HS3ST3A1: variants seen among roughly 807,000 people sequenced by gnomAD.
HS3ST3A1 encodes heparan sulfate glucosamine 3-O-sulfotransferase 3A1.
Under a neutral mutation model 25.7 loss-of-function variants are expected in HS3ST3A1, and 19 were observed. That is an observed-to-expected ratio of 0.74 (90% confidence interval 0.52 to 1.08). HS3ST3A1 has a LOEUF of 1.08. Ranked by LOEUF, HS3ST3A1 falls within the 50% of genes least tolerant of loss-of-function variation. The pLI is 0.00. For synonymous variants in HS3ST3A1, 226 were observed against 278.6 expected (o/e 0.81, Z 1.88); for missense variants, 459 against 594.3 (o/e 0.77, Z 2.37).
In HS3ST3A1 at chr17:13,496,284, C is replaced by G. The variant is rs1905264056; in HGVS notation, c.1134G>C (p.Glu378Asp). The stretch of plus-strand genomic sequence containing the variant: ...AGAACTCGCGCAGCCTGCGCACCAC[C>G]TCGCGGTCGATCTCAGGATGGGTCC... ...KGRTHPEIDR[E>D]VVRRLREFYR... The change falls in exon 2 of 2, where the codon GAG (glutamate) becomes GAC (aspartate). Residue 378 changes from glutamate to aspartate, a missense_variant. Coordinates refer to ENST00000284110, the MANE Select transcript of HS3ST3A1 (RefSeq NM_006042.3). 1 of 1,546,910 alleles carries G rather than the reference C, an allele frequency of 6.5e-7. No individual in the cohort carries two copies. The highest frequency in any genetic ancestry group is 8.7e-7 in the Non-Finnish European group (1 of 1,151,746).
In HS3ST3A1 at chr17:13,550,285, T is replaced by A. The variant is rs1003832799; in HGVS notation, c.599+50246A>T. Among the ~76,000 whole-genome samples the A allele has an allele frequency of 7.2e-5, 11 of 152,318 alleles. No individual in the cohort carries two copies. The South Asian group carries it at 2.3e-3, about 32-fold the overall frequency. On this transcript the variant is annotated intron_variant, in intron 1 of 1. Coordinates refer to ENST00000284110, the MANE Select transcript of HS3ST3A1 (RefSeq NM_006042.3). The stretch of plus-strand genomic sequence containing the variant: ...CTGGCTGTTCACCCAGCCTATTCCC[T>A]CTTCTTCCTGAGAACACAGCTACAC...
In HS3ST3A1 at chr17:13,601,007, G is replaced by T. The variant is rs1368226921; in HGVS notation, c.123C>A (p.Cys41Ter). 3.8e-6 allele frequency: 6 copies of T among 1,583,758 alleles called. No homozygotes were observed. The highest frequency in any genetic ancestry group is 2.7e-5 in the African/African-American group (2 of 73,952). ...SLLTSLYVFY[C>*]LAERCQTLSG... Reference sequence around the variant, plus strand: ...ACAGGGTCTGGCAGCGCTCGGCCAGGCAGTAGAAGACGTAAAGGGACGTGA... The same window carrying T: ...ACAGGGTCTGGCAGCGCTCGGCCAGTCAGTAGAAGACGTAAAGGGACGTGA... Residue 41 changes from cysteine (C) to a stop codon, truncating the protein, a stop_gained, in exon 1 of 2, where the codon TGC (cysteine) becomes TGA (stop). Transcript: ENST00000284110. LOFTEE classifies it high-confidence loss of function.
intron 1 of HS3ST3A1, 106 bp from the exon 2 acceptor site, chr17:13,496,924 C>T: frequency 1.4e-6 from 2 of 1,462,354 alleles, no homozygotes; most frequent in Non-Finnish European, 1.8e-6. Context: ...GCCCCCGCAA[C>T]CCCCCACTTG....
intron 1 of HS3ST3A1, among the ~76,000 whole-genome samples, chr17:13,508,904 A>G (rs1905771334): frequency 6.6e-6 from 1 of 152,168 alleles, no homozygotes; most frequent in Non-Finnish European, 1.5e-5. Context: ...GACTTCCGAC[A>G]TTCTTTGTGT....
chr17:13,546,129 C>T (rs1476310829), intron 1 of HS3ST3A1, among the ~76,000 whole-genome samples: 1 of 152,164 alleles, frequency 6.6e-6, no homozygotes, highest in Non-Finnish European at 1.5e-5. Context: ...CTGTCTACCA[C>T]GTGGACCAAC....
In HS3ST3A1 at chr17:13,527,308, C is replaced by G. The variant is rs369549795; in HGVS notation, c.600-30490G>C. On this transcript the variant is annotated intron_variant, in intron 1 of 1. Transcript: ENST00000284110. ...GAAAAAGGAGAGGGAGGGCATGGAGCATTAAAAAGAAAAAGAGATAGAATA... is the reference window on the plus strand; with the variant it reads ...GAAAAAGGAGAGGGAGGGCATGGAGGATTAAAAAGAAAAAGAGATAGAATA... Among the ~76,000 whole-genome samples the G allele has an allele frequency of 9.9e-5, 15 of 152,218 alleles. No individual in the cohort carries two copies. In the East Asian group the frequency reaches 2.5e-3, roughly 25 times the overall value.
At chr17:13,552,603 G>A (rs567659759) in intron 1 of HS3ST3A1, among the ~76,000 whole-genome samples, 1 of 152,318 alleles carries the variant, frequency 6.6e-6, no homozygotes, top group South Asian at 2.1e-4. Flanking sequence ...TACTTATAAA[G>A]AGAATCCCCA....
chr17:13,496,161 A>G lies in HS3ST3A1; in HGVS notation c.*36T>C, dbSNP rs1439440143. 6.9e-6 allele frequency: 10 copies of G among 1,456,620 alleles called. No individual in the cohort carries two copies. Among genetic ancestry groups the G allele is most frequent in the Admixed American group, 2.7e-5 (1 of 37,612 alleles). 90.2% of individuals were successfully genotyped at this position (1,456,620 alleles called of 1,614,324 possible). A position where few individuals can be genotyped will look rare whatever the true frequency, so the allele number is the denominator to read the frequency against. On this transcript the variant is annotated 3_prime_UTR_variant, in exon 2 of 2. Coordinates refer to ENST00000284110, the MANE Select transcript of HS3ST3A1 (RefSeq NM_006042.3). ...CTACCGATTGGTAAAAAAATATATT[A>G]TATTTTGATTTTTTTTTTCTTTTTA...
intron 1 of HS3ST3A1, among the ~76,000 whole-genome samples, chr17:13,513,386 T>TA (rs1392626883): frequency 2.0e-5 from 3 of 152,150 alleles, no homozygotes; most frequent in South Asian, 2.1e-4. Context: ...AATGGGCTTT[T>TA]AAAAAAATTA....
intron 1 of HS3ST3A1, among the ~76,000 whole-genome samples, chr17:13,516,380 AG>A (rs1326877590): frequency 6.6e-6 from 1 of 152,222 alleles, no homozygotes; most frequent in Non-Finnish European, 1.5e-5. Flanking sequence ...TTTGTTGGAT[AG>A]GAGGTTTTTC....
intron 1 of HS3ST3A1, among the ~76,000 whole-genome samples, chr17:13,587,539 T>C (rs1462468638): frequency 2.0e-5 from 3 of 152,210 alleles, no homozygotes; most frequent in Non-Finnish European, 4.4e-5. Context: ...CACAGACAGA[T>C]GAGTGAATAA....
chr17:13,584,877 G>GTTCATTACA (rs747010954), intron 1 of HS3ST3A1, among the ~76,000 whole-genome samples: 38 of 152,274 alleles, frequency 2.5e-4, no homozygotes, highest in Middle Eastern at 3.4e-3. Context: ...CACTGGTGAA[G>GTTCATTACA]TTCATTACAT....
intron 1 of HS3ST3A1, among the ~76,000 whole-genome samples, chr17:13,517,921 G>A (rs555231384): frequency 3.9e-5 from 6 of 152,170 alleles, no homozygotes; most frequent in Non-Finnish European, 7.3e-5. Flanking sequence ...TGGGATTACA[G>A]GCATGAGTCA....
At chr17:13,556,963 G>A (rs757441178) in intron 1 of HS3ST3A1, among the ~76,000 whole-genome samples, 41 of 151,966 alleles carry the variant, frequency 2.7e-4, no homozygotes, top group Non-Finnish European at 3.8e-4. Flanking sequence ...TCAGGACAGC[G>A]AACAGATTCC....
chr17:13,498,042 A>G (rs1376227318), intron 1 of HS3ST3A1, among the ~76,000 whole-genome samples: 1 of 152,214 alleles, frequency 6.6e-6, no homozygotes, highest in Admixed American at 6.5e-5. Flanking sequence ...AAATTGTCAA[A>G]TCAGTCTCAA....
intron 1 of HS3ST3A1, among the ~76,000 whole-genome samples, chr17:13,505,754 G>T (rs1049570099): frequency 1.3e-5 from 2 of 152,054 alleles, no homozygotes; most frequent in Non-Finnish European, 2.9e-5. Flanking sequence ...GGCTGGGCAT[G>T]GTGGTTTACG....
In HS3ST3A1 at chr17:13,494,755, C is replaced by T. The variant is rs1347995989; in HGVS notation, c.*1442G>A. ...AATGCTAATCTTGTTAATACCCACT[C>T]AGAGAGGAAAGGAATACTGTTAATA... On this transcript the variant is annotated 3_prime_UTR_variant, in exon 2 of 2. Coordinates refer to ENST00000284110, the MANE Select transcript of HS3ST3A1 (RefSeq NM_006042.3). Among the ~76,000 whole-genome samples the T allele has an allele frequency of 6.6e-6, 1 of 152,098 alleles. No individual in the cohort carries two copies. The highest frequency in any genetic ancestry group is 1.5e-5 in the Non-Finnish European group (1 of 68,022).
At chr17:13,583,857 G>T (rs1458475144) in intron 1 of HS3ST3A1, among the ~76,000 whole-genome samples, 1 of 152,142 alleles carries the variant, frequency 6.6e-6, no homozygotes, top group Non-Finnish European at 1.5e-5. Flanking sequence ...GGCTTAGTTT[G>T]GTTTTGTTTT....
intron 1 of HS3ST3A1, among the ~76,000 whole-genome samples, chr17:13,502,589 C>G (rs890578104): frequency 3.3e-5 from 5 of 152,212 alleles, no homozygotes; most frequent in African/African-American, 7.2e-5. Flanking sequence ...CCTTCACCCT[C>G]CCTCTGGAAC....
Sources: gnomAD v4.1 joint callset for allele counts (sites outside exome capture counted in the v4.1 genomes callset) on GRCh38, gnomAD v4.1.1 for gene constraint, MANE v1.5 for transcripts, NCBI Gene and HGNC (gene_info 2026-07-23, HGNC 2026-07-21) for gene names.